The following CD37 variants were observed in gnomAD, a reference collection of about 807,000 sequenced individuals.
The protein encoded by CD37 is leukocyte antigen CD37.
A neutral mutation model predicts 38.9 loss-of-function variants in CD37; 37 were observed. That is an observed-to-expected ratio of 0.95 (90% confidence interval 0.73 to 1.25). The LOEUF is 1.25. Ranked by LOEUF, CD37 falls within the 50% of genes most tolerant of loss-of-function variation. The pLI is 0.00. For missense variants in CD37, 351 were observed against 360.1 expected (o/e 0.97, Z 0.20); for synonymous variants, 146 against 150.1 (o/e 0.97, Z 0.20).
In CD37 at chr19:49,335,599, T is replaced by C. The variant is rs752964901; in HGVS notation, c.59T>C (p.Leu20Pro). Residue 20 changes from leucine (L) to proline (P), a missense_variant, in exon 1 of 8, where the codon CTC becomes CCC. Coordinates refer to ENST00000323906, the MANE Select transcript of CD37 (RefSeq NM_001774.3). The surrounding 1 kb of genome is among the most constrained non-coding windows in gnomAD (Gnocchi z 4.6). ...AAGTACTTCCTCTTCGTTTTCAACC[T>C]CTTCTTCTTCGTGAGTTGCCTCATG... ...LIKYFLFVFN[L>P]FFFVLGSLIF... The C allele has an allele frequency of 1.2e-6, 2 of 1,613,436 alleles. No homozygotes were observed. Among genetic ancestry groups the C allele is most frequent in the Admixed American group, 3.3e-5 (2 of 60,010 alleles).
chr19:49,339,889 C>T lies in CD37; in HGVS notation c.769-362C>T. On this transcript the variant is annotated intron_variant, in intron 7 of 7. Transcript: ENST00000323906. This position sits in a 1 kb window ranked among gnomAD's most constrained non-coding sequence, Gnocchi z 4.5. ...GCCCATGGCCCTGGGGCTCTGGCCG[C>T]TGTGGGTTCAAGACGAGGACCAGCC... 1 of 1,344,622 alleles carries T rather than the reference C, an allele frequency of 7.4e-7. No individual in the cohort carries two copies. Among genetic ancestry groups the T allele is most frequent in the Non-Finnish European group, 9.6e-7 (1 of 1,042,606 alleles). 83.3% of individuals were successfully genotyped at this position (1,344,622 alleles called of 1,614,324 possible).
chr19:49,340,419 G>GCCTGGAGCCCTCCGCCTTCACATTCC lies in CD37; in HGVS notation c.*97_*122dup, dbSNP rs1416090307. On this transcript the variant is annotated 3_prime_UTR_variant, in exon 8 of 8. Coordinates refer to ENST00000323906, the MANE Select transcript of CD37 (RefSeq NM_001774.3). ...TAAATATTTGTTTAATCCCCAGTTCGCCTGGAGCCCTCCGCCTTCACATTC... is the reference window on the plus strand; with the variant it reads ...TAAATATTTGTTTAATCCCCAGTTCGCCTGGAGCCCTCCGCCTTCACATTCCCCTGGAGCCCTCCGCCTTCACATTC... The GCCTGGAGCCCTCCGCCTTCACATTCC allele has an allele frequency of 2.1e-6, 2 of 932,556 alleles. No homozygotes were observed. The highest frequency in any genetic ancestry group is 2.5e-5 in the East Asian group (1 of 40,788). 57.8% of individuals were successfully genotyped at this position (932,556 alleles called of 1,614,324 possible). A position where few individuals can be genotyped will look rare whatever the true frequency, so the allele number is the denominator to read the frequency against.
At chr19:49,337,496 C>T (rs2146211407) in intron 4 of CD37, 2 of 643,582 alleles carry the variant, frequency 3.1e-6, no homozygotes, top group East Asian at 7.0e-5. Context: ...ATGGTGTGCA[C>T]CTGGGGTCCC....
Position 49,339,183 on chromosome 19 carries a change from G to A in CD37, c.685-147G>A. 1.3e-6 allele frequency: 1 copy of A among 753,952 alleles called. No individual in the cohort carries two copies. The highest frequency in any genetic ancestry group is 2.2e-6 in the Non-Finnish European group (1 of 445,228). 46.7% of individuals were successfully genotyped at this position (753,952 alleles called of 1,614,324 possible). A position where few individuals can be genotyped will look rare whatever the true frequency, so the allele number is the denominator to read the frequency against. On this transcript the variant is annotated intron_variant, in intron 6 of 7. Coordinates refer to ENST00000323906, the MANE Select transcript of CD37 (RefSeq NM_001774.3). The surrounding 1 kb of genome is among the most constrained non-coding windows in gnomAD (Gnocchi z 4.5). ...CAGGCTTGGAAAAGGTGAAGCGAGG[G>A]TGCACTAGTAAGGAGACTAGAGTGC...
In CD37 at chr19:49,340,371, G is replaced by A; in HGVS notation, c.*43G>A. On this transcript the variant is annotated 3_prime_UTR_variant, in exon 8 of 8. Transcript: ENST00000323906. ...GTCCCGCCCCGCCCCCGTCACGTGCGCTGGGCACTTCCCTGCTGCCTGTAA... is the reference window on the plus strand; with the variant it reads ...GTCCCGCCCCGCCCCCGTCACGTGCACTGGGCACTTCCCTGCTGCCTGTAA... The A allele has an allele frequency of 2.3e-6, 3 of 1,283,900 alleles. No homozygotes were observed. The highest frequency in any genetic ancestry group is 2.4e-5 in the South Asian group (2 of 84,436). The allele number at this position is 1,283,900 out of a possible 1,614,324, so 79.5% of individuals were successfully genotyped here.
rs1428682537 is a variant in CD37 at position 49,340,362 on chromosome 19, G to A, written c.*34G>A. 6 of 1,271,116 alleles carry A rather than the reference G, an allele frequency of 4.7e-6. No individual in the cohort carries two copies. In the Admixed American group the frequency reaches 5.4e-5, roughly 12 times the overall value. The allele number at this position is 1,271,116 out of a possible 1,614,324, so 78.7% of individuals were successfully genotyped here. A position where few individuals can be genotyped will look rare whatever the true frequency, so the allele number is the denominator to read the frequency against. On this transcript the variant is annotated 3_prime_UTR_variant, in exon 8 of 8. Coordinates refer to ENST00000323906, the MANE Select transcript of CD37 (RefSeq NM_001774.3). Reference sequence around the variant, plus strand: ...CTCCCCAAAGTCCCGCCCCGCCCCCGTCACGTGCGCTGGGCACTTCCCTGC... The same window carrying A: ...CTCCCCAAAGTCCCGCCCCGCCCCCATCACGTGCGCTGGGCACTTCCCTGC...
At position 49,336,899 on chromosome 19, in the gene CD37, C is replaced by T. The variant is rs1212819331; in HGVS notation, c.143-10C>T. On this transcript the variant is annotated splice_polypyrimidine_tract_variant and intron_variant, in intron 2 of 7. Transcript: ENST00000323906. ...ACACAGCTCATCATCACTCCCCTCA[C>T]CTCTCCCAGGCTTGGCCTTCGTGCC... 2 of 1,613,752 alleles carry T rather than the reference C, an allele frequency of 1.2e-6. No homozygotes were observed. Among genetic ancestry groups the T allele is most frequent in the Non-Finnish European group, 8.5e-7 (1 of 1,179,734 alleles).
Position 49,335,822 on chromosome 19 carries a change from C to A in CD37, c.142+36C>A, listed in dbSNP as rs773442802. The A allele has an allele frequency of 4.2e-5, 64 of 1,529,934 alleles. No homozygotes were observed. The East Asian group carries it at 1.3e-3, about 32-fold the overall frequency. 94.8% of individuals were successfully genotyped at this position (1,529,934 alleles called of 1,614,324 possible). On this transcript the variant is annotated intron_variant, in intron 2 of 7. Transcript: ENST00000323906. The surrounding 1 kb of genome is among the most constrained non-coding windows in gnomAD (Gnocchi z 4.6). ...CTGGGGCAGGTGGGAGGGCCTCCCCCAACCCAAGCAACTTCCTGGGGTCTC... is the reference window on the plus strand; with the variant it reads ...CTGGGGCAGGTGGGAGGGCCTCCCCAAACCCAAGCAACTTCCTGGGGTCTC...
rs1568552157 is a variant in CD37, at chr19:49,339,752, G to A, written c.768+339G>A. 3.6e-6 allele frequency: 5 copies of A among 1,389,644 alleles called. No homozygotes were observed. The highest frequency in any genetic ancestry group is 2.9e-5 in the African/African-American group (2 of 68,554). The allele number at this position is 1,389,644 out of a possible 1,614,324, so 86.1% of individuals were successfully genotyped here. A position where few individuals can be genotyped will look rare whatever the true frequency, so the allele number is the denominator to read the frequency against. On this transcript the variant is annotated intron_variant, in intron 7 of 7. Transcript: ENST00000323906. This position sits in a 1 kb window ranked among gnomAD's most constrained non-coding sequence, Gnocchi z 4.5. Reference sequence around the variant, plus strand: ...CCGGGCGCTGGGGATTCGAGCCCCGGGCCCAGCCTGATCGCTGACGGCGGC... The same window carrying A: ...CCGGGCGCTGGGGATTCGAGCCCCGAGCCCAGCCTGATCGCTGACGGCGGC...
Position 49,340,323 on chromosome 19 carries a change from C to G in CD37, c.841C>G (p.Arg281Gly). The change falls in exon 8 of 8, where the codon CGT becomes GGT. Residue 281 changes from arginine (R) to glycine (G), a missense_variant. Physicochemically the swap from Arg to Gly is moderately radical, Grantham distance 125 (BLOSUM62 -2). Coordinates refer to ENST00000323906, the MANE Select transcript of CD37 (RefSeq NM_001774.3). ...CGTCTACAACCGGCTCGCTCGATAC[C>G]GTTAGGCCCCGCCCTCCCCAAAGTC... ...DHVYNRLARYR is the reference protein window; with the variant it reads ...DHVYNRLARYG 1 of 1,611,072 alleles carries G rather than the reference C, an allele frequency of 6.2e-7. No homozygotes were observed. Among genetic ancestry groups the G allele is most frequent in the South Asian group, 1.1e-5 (1 of 91,038 alleles).
In CD37 at chr19:49,339,011, G is replaced by C; in HGVS notation, c.684+75G>C. On this transcript the variant is annotated intron_variant, in intron 6 of 7. Transcript: ENST00000323906. This position sits in a 1 kb window ranked among gnomAD's most constrained non-coding sequence, Gnocchi z 4.5. Reference sequence around the variant, plus strand: ...GGAGGGGGAGGGCTGTCAGTGAGTAGCGGCCTGAGAAAGGGCGGGGTCTAC... The same window carrying C: ...GGAGGGGGAGGGCTGTCAGTGAGTACCGGCCTGAGAAAGGGCGGGGTCTAC... 8.2e-7 allele frequency: 1 copy of C among 1,215,064 alleles called. No homozygotes were observed. The highest frequency in any genetic ancestry group is 1.2e-6 in the Non-Finnish European group (1 of 834,634). 75.3% of individuals were successfully genotyped at this position (1,215,064 alleles called of 1,614,324 possible).
Position 49,339,442 on chromosome 19 carries a change from C to G in CD37, c.768+29C>G, listed in dbSNP as rs1435821962. The G allele has an allele frequency of 6.2e-7, 1 of 1,601,012 alleles. No homozygotes were observed. Among genetic ancestry groups the G allele is most frequent in the East Asian group, 2.2e-5 (1 of 44,842 alleles). On this transcript the variant is annotated intron_variant, in intron 7 of 7. Transcript: ENST00000323906. This position sits in a 1 kb window ranked among gnomAD's most constrained non-coding sequence, Gnocchi z 4.5. ...ATCTGGCCCCGCCCCCACCCGCGAT[C>G]GGCCCTAAATCCCTAGATGGCCCTG...
chr19:49,340,217 T>A (rs371455160), intron 7 of CD37, 34 bp from the exon 8 acceptor site: 3 of 1,590,502 alleles, frequency 1.9e-6, no homozygotes, highest in Non-Finnish European at 2.6e-6. Flanking sequence ...CAGCACCCCT[T>A]CGACTTCTCT....
Position 49,339,076 on chromosome 19 carries a change from G to A in CD37, c.684+140G>A. On this transcript the variant is annotated intron_variant, in intron 6 of 7. Transcript: ENST00000323906. The surrounding 1 kb of genome is among the most constrained non-coding windows in gnomAD (Gnocchi z 4.5). ...TACGGCAGGAGGGGCGGGGCCCTCT[G>A]AAGGGGGCGGGGTCTGCAGGAAGGG... is the stretch of plus-strand genomic sequence containing the variant. 1.3e-6 allele frequency: 1 copy of A among 748,176 alleles called. No individual in the cohort carries two copies. The allele number at this position is 748,176 out of a possible 1,614,324, so 46.3% of individuals were successfully genotyped here.
intron 4 of CD37, 81 bp downstream of exon 4, chr19:49,337,302 C>G: frequency 1.7e-5 from 23 of 1,368,666 alleles, no homozygotes; most frequent in South Asian, 9.3e-5. Context: ...GGAGAGAGAC[C>G]GAAACAAGGG....
In CD37 at chr19:49,340,388, T is replaced by G. The variant is rs1473192254; in HGVS notation, c.*60T>G. 8.8e-7 allele frequency: 1 copy of G among 1,131,950 alleles called. No individual in the cohort carries two copies. Among genetic ancestry groups the G allele is most frequent in the Non-Finnish European group, 1.3e-6 (1 of 746,204 alleles). 70.1% of individuals were successfully genotyped at this position (1,131,950 alleles called of 1,614,324 possible). On this transcript the variant is annotated 3_prime_UTR_variant, in exon 8 of 8. Transcript: ENST00000323906. Reference sequence around the variant, plus strand: ...TCACGTGCGCTGGGCACTTCCCTGCTGCCTGTAAATATTTGTTTAATCCCC... The same window carrying G: ...TCACGTGCGCTGGGCACTTCCCTGCGGCCTGTAAATATTTGTTTAATCCCC...
rs1210445084 is a variant in CD37, at chr19:49,340,335, C to T, written c.*7C>T. ...GCTCGCTCGATACCGTTAGGCCCCGCCCTCCCCAAAGTCCCGCCCCGCCCC... is the reference window on the plus strand; with the variant it reads ...GCTCGCTCGATACCGTTAGGCCCCGTCCTCCCCAAAGTCCCGCCCCGCCCC... On this transcript the variant is annotated 3_prime_UTR_variant, in exon 8 of 8. Transcript: ENST00000323906. 2 of 1,604,522 alleles carry T rather than the reference C, an allele frequency of 1.2e-6. No individual in the cohort carries two copies. Among genetic ancestry groups the T allele is most frequent in the Admixed American group, 1.7e-5 (1 of 60,006 alleles).
In CD37 at chr19:49,339,855, G is replaced by A. The variant is rs1971142802; in HGVS notation, c.769-396G>A. The A allele has an allele frequency of 3.7e-6, 5 of 1,336,004 alleles. No individual in the cohort carries two copies. The highest frequency in any genetic ancestry group is 9.6e-7 in the Non-Finnish European group (1 of 1,038,846). The allele number at this position is 1,336,004 out of a possible 1,614,324, so 82.8% of individuals were successfully genotyped here. On this transcript the variant is annotated intron_variant, in intron 7 of 7. Coordinates refer to ENST00000323906, the MANE Select transcript of CD37 (RefSeq NM_001774.3). This position sits in a 1 kb window ranked among gnomAD's most constrained non-coding sequence, Gnocchi z 4.5. Reference sequence around the variant, plus strand: ...CCAACTGGGGAGACAAGGCACCGCAGGGCAAGCTGCCCATGGCCCTGGGGC... The same window carrying A: ...CCAACTGGGGAGACAAGGCACCGCAAGGCAAGCTGCCCATGGCCCTGGGGC...
intron 4 of CD37, chr19:49,337,658 G>A: frequency 1.3e-6 from 2 of 1,517,112 alleles, no homozygotes; most frequent in Non-Finnish European, 8.8e-7. Flanking sequence ...AGGGAGACAG[G>A]CATAAACAGC....
Sources: allele counts gnomAD v4.1 joint callset, GRCh38; gene constraint gnomAD v4.1.1; non-coding constraint Gnocchi (gnomAD v3.1); transcripts MANE v1.5; gene names NCBI Gene and HGNC (gene_info 2026-07-23, HGNC 2026-07-21).